Variants in LRBA observed in about 807,000 individuals in gnomAD.
LRBA encodes lipopolysaccharide-responsive and beige-like anchor protein.
A neutral mutation model predicts 330.0 loss-of-function variants in LRBA; 176 were observed. That is an observed-to-expected ratio of 0.53 (90% CI 0.47 to 0.60). The LOEUF (loss-of-function observed/expected upper bound fraction) is 0.60, where lower values mean the gene tolerates loss of function less well. Ranked by LOEUF, LRBA falls within the 20% of genes least tolerant of loss-of-function variation. The pLI is 0.00. For missense variants in LRBA, 3,259 were observed against 3,444.8 expected (o/e 0.95, Z 1.35); for synonymous variants, 1,230 against 1,193.0 (o/e 1.03, Z -0.64).
At chr4:150,596,839 T>A (rs1773540467) in intron 38 of LRBA, among the ~76,000 whole-genome samples, 1 of 151,538 alleles carries the variant, frequency 6.6e-6, no homozygotes, top group Admixed American at 6.6e-5. Flanking sequence ...ACAATCTATG[T>A]GCTGAATTTA....
chr4:150,906,902 G>A (rs573350019), intron 11 of LRBA, among the ~76,000 whole-genome samples: 1 of 152,004 alleles, frequency 6.6e-6, no homozygotes, highest in East Asian at 1.9e-4. Flanking sequence ...GGCACATGAA[G>A]AGAAAGATGA....
At chr4:150,397,648 T>C (rs1477047666) in intron 47 of LRBA, among the ~76,000 whole-genome samples, 3 of 152,224 alleles carry the variant, frequency 2.0e-5, no homozygotes, top group Non-Finnish European at 4.4e-5. Flanking sequence ...TATGCAGTAG[T>C]ATAATTTTAT....
intron 37 of LRBA, among the ~76,000 whole-genome samples, chr4:150,614,233 G>A (rs1241456056): frequency 6.6e-6 from 1 of 152,188 alleles, no homozygotes; most frequent in Non-Finnish European, 1.5e-5. Context: ...TCCCAGCTCA[G>A]CTTAGGCCAT....
intron 53 of LRBA, among the ~76,000 whole-genome samples, chr4:150,296,360 C>T (rs1728975606): frequency 6.6e-6 from 1 of 151,980 alleles, no homozygotes; most frequent in Non-Finnish European, 1.5e-5. Context: ...CAGCCTTAAG[C>T]CACAAAAGGC....
intron 34 of LRBA, among the ~76,000 whole-genome samples, chr4:150,767,785 C>T (rs1474481685): frequency 7.6e-6 from 1 of 132,094 alleles, no homozygotes; most frequent in African/African-American, 2.8e-5. Flanking sequence ...AAAATTTGGC[C>T]AGGCGCGGTG....
At chr4:150,503,479 G>A (rs1561272352) in intron 40 of LRBA, among the ~76,000 whole-genome samples, 1 of 152,112 alleles carries the variant, frequency 6.6e-6, no homozygotes. Flanking sequence ...CCAACAGTTT[G>A]GTAGAACTGG....
At chr4:150,976,035 C>T (rs1450462553) in intron 2 of LRBA, among the ~76,000 whole-genome samples, 2 of 151,664 alleles carry the variant, frequency 1.3e-5, no homozygotes, top group African/African-American at 4.8e-5. Context: ...CTTAGCTGGG[C>T]GTGGCAGCAC....
At chr4:150,748,413 A>C (rs1442154468) in intron 35 of LRBA, among the ~76,000 whole-genome samples, 2 of 152,164 alleles carry the variant, frequency 1.3e-5, no homozygotes, top group Non-Finnish European at 2.9e-5. Flanking sequence ...TCACGCCTGT[A>C]ATCCCAACAC....
At position 150,321,614 on chromosome 4, in the gene LRBA, T is replaced by C. The variant is rs1732525783; in HGVS notation, c.7453-246A>G. On this transcript the variant is annotated intron_variant, in intron 49 of 56. Transcript: ENST00000651943. This position sits in a 1 kb window ranked among gnomAD's most constrained non-coding sequence, Gnocchi z 4.5. ...GTAGAATACATTAACAGAAACACTT[T>C]AAAATTTATAAATTTTATGAGCTCC... Among the ~76,000 whole-genome samples the C allele has an allele frequency of 6.6e-6, 1 of 152,164 alleles. No individual in the cohort carries two copies. Among genetic ancestry groups the C allele is most frequent in the Non-Finnish European group, 1.5e-5 (1 of 68,020 alleles).
At chr4:150,476,963 C>T (rs1756783821) in intron 42 of LRBA, among the ~76,000 whole-genome samples, 1 of 152,160 alleles carries the variant, frequency 6.6e-6, no homozygotes, top group Non-Finnish European at 1.5e-5. Flanking sequence ...ATAGTCCCTA[C>T]CCTCTCACGT....
intron 34 of LRBA, among the ~76,000 whole-genome samples, chr4:150,776,413 A>C (rs1461623568): frequency 6.6e-6 from 1 of 152,228 alleles, no homozygotes; most frequent in Non-Finnish European, 1.5e-5. Context: ...GTTAAGAATC[A>C]ATCACGGGGA....
intron 17 of LRBA, among the ~76,000 whole-genome samples, chr4:150,875,865 C>T (rs1388149835): frequency 6.6e-6 from 1 of 152,186 alleles, no homozygotes; most frequent in African/African-American, 2.4e-5. Flanking sequence ...CACACTGGCT[C>T]TCCAACCATG....
chr4:150,574,271 A>G (rs1770254797), intron 40 of LRBA, among the ~76,000 whole-genome samples: 1 of 152,088 alleles, frequency 6.6e-6, no homozygotes, highest in Non-Finnish European at 1.5e-5. Flanking sequence ...CCATAAATCT[A>G]AAATATCTAT....
At chr4:150,625,245 T>A (rs1462168096) in intron 37 of LRBA, among the ~76,000 whole-genome samples, 1 of 152,184 alleles carries the variant, frequency 6.6e-6, no homozygotes, top group East Asian at 1.9e-4. Context: ...CACAATCACC[T>A]TTTGAAATCT....
chr4:150,266,289 A>AAGAAG (rs1340669304), intron 56 of LRBA, among the ~76,000 whole-genome samples: 1 of 152,230 alleles, frequency 6.6e-6, no homozygotes, highest in Non-Finnish European at 1.5e-5. Flanking sequence ...AAGAGTGAAA[A>AAGAAG]AGAAGAGTGT....
At chr4:150,334,770 TA>T (rs11368743) in intron 48 of LRBA, among the ~76,000 whole-genome samples, 3 of 147,188 alleles carry the variant, frequency 2.0e-5, no homozygotes, top group Admixed American at 6.8e-5. Context: ...AAAGACAATT[TA>T]AAAAAAAAGG....
At chr4:150,663,436 T>C (rs1781299490) in intron 37 of LRBA, among the ~76,000 whole-genome samples, 1 of 152,018 alleles carries the variant, frequency 6.6e-6, no homozygotes, top group African/African-American at 2.4e-5. Flanking sequence ...TTTGGTAGGA[T>C]GTCATATGAT....
intron 37 of LRBA, among the ~76,000 whole-genome samples, chr4:150,665,213 C>CA (rs1781461916): frequency 6.6e-6 from 1 of 152,136 alleles, no homozygotes; most frequent in African/African-American, 2.4e-5. Context: ...ACTCAGCTCC[C>CA]AAGGTTTTCA....
At chr4:150,990,128 A>G (rs992227626) in intron 2 of LRBA, among the ~76,000 whole-genome samples, 2 of 152,208 alleles carry the variant, frequency 1.3e-5, no homozygotes, top group Admixed American at 6.5e-5. Context: ...GTAAGGGTGG[A>G]TATCTTGAGG....
Sources: allele counts gnomAD v4.1 joint callset (sites outside exome capture counted in the v4.1 genomes callset), GRCh38; gene constraint gnomAD v4.1.1; non-coding constraint Gnocchi (gnomAD v3.1); transcripts MANE v1.5; gene names NCBI Gene and HGNC (gene_info 2026-07-23, HGNC 2026-07-21).